The following PCNX4 variants were observed in gnomAD, a reference collection of about 807,000 sequenced individuals.
PCNX4 encodes the protein pecanex 4.
In PCNX4, 103 loss-of-function variants were observed where a neutral mutation model predicts 107.2. The observed-to-expected ratio is 0.96, with a 90% CI of 0.82 to 1.13. PCNX4 has a LOEUF of 1.13. Among genes scored for constraint, PCNX4 ranks in the 50% most tolerant of loss-of-function variants. PCNX4 has a pLI of 0.00. For missense variants in PCNX4, 1,528 were observed against 1,379.4 expected (o/e 1.11, Z -1.71); for synonymous variants, 541 against 481.7 (o/e 1.12, Z -1.61).
At chr14:60,102,169 T>A (rs1595161155) in intron 1 of PCNX4, among the ~76,000 whole-genome samples, 1 of 152,204 alleles carries the variant, frequency 6.6e-6, no homozygotes, top group Admixed American at 6.5e-5. Context: ...TGCCTGCAGC[T>A]GACAATACTG....
At position 60,115,101 on chromosome 14, in the gene PCNX4, G is replaced by A; in HGVS notation, c.997G>A (p.Gly333Ser). Residue 333 changes from glycine (G) to serine (S), a missense_variant, in exon 4 of 11, where the codon GGT becomes AGT. Gly to Ser is a moderately conservative substitution (Grantham distance 56, BLOSUM62 0). Transcript: ENST00000406854. ...FLLSLNLSDM[G>S]HKIGTKSKDL... ...GCTGAGTCTGAACTTAAGTGATATG[G>A]GTCACAAAATTGGAACCAAATCTAA... 2 of 1,613,700 alleles carry A rather than the reference G, an allele frequency of 1.2e-6. No individual in the cohort carries two copies. Among genetic ancestry groups the A allele is most frequent in the Non-Finnish European group, 1.7e-6 (2 of 1,179,806 alleles).
chr14:60,125,975 C>T (rs566640469), intron 10 of PCNX4, 152 bp downstream of exon 10: 3 of 565,072 alleles, frequency 5.3e-6, no homozygotes, highest in Non-Finnish European at 8.3e-6. Context: ...GACTTTTTGG[C>T]TAAGCTAGAT....
intron 1 of PCNX4, among the ~76,000 whole-genome samples, chr14:60,092,743 A>G (rs545742707): frequency 7.2e-5 from 11 of 152,238 alleles, no homozygotes; most frequent in South Asian, 2.1e-4. Context: ...TACTCTCGCA[A>G]TATCTCCAAC....
intron 1 of PCNX4, among the ~76,000 whole-genome samples, chr14:60,102,746 A>G (rs1255312497): frequency 6.6e-6 from 1 of 152,186 alleles, no homozygotes; most frequent in Non-Finnish European, 1.5e-5. Flanking sequence ...ATCCATACCA[A>G]TGCATCAGTT....
At position 60,115,815 on chromosome 14, in the gene PCNX4, G is replaced by T; in HGVS notation, c.1454G>T (p.Arg485Ile). 1 of 1,610,060 alleles carries T rather than the reference G, an allele frequency of 6.2e-7. No homozygotes were observed. The highest frequency in any genetic ancestry group is 8.5e-7 in the Non-Finnish European group (1 of 1,176,802). ...SVCIGFTRAF[R>I]MVWQNTENAL... Reference sequence around the variant, plus strand: ...TGTATTGGATTCACAAGAGCCTTTAGAATGGTAATCCTAATATGTGTTTAA... The same window carrying T: ...TGTATTGGATTCACAAGAGCCTTTATAATGGTAATCCTAATATGTGTTTAA... Residue 485 changes from arginine (R) to isoleucine (I), a missense_variant, in exon 5 of 11, where the codon AGA (arginine) becomes ATA (isoleucine). By Grantham distance (97) the Arg-to-Ile change is moderately conservative. Transcript: ENST00000406854.
chr14:60,120,879 A>G (rs1374013229), intron 7 of PCNX4, among the ~76,000 whole-genome samples: 1 of 152,180 alleles, frequency 6.6e-6, no homozygotes, highest in Non-Finnish European at 1.5e-5. Context: ...GCCTTTTATA[A>G]ACTCAATACT....
chr14:60,111,059 G>T, intron 2 of PCNX4: 1 of 166,862 alleles, frequency 6.0e-6, no homozygotes. Flanking sequence ...GTGTAAGCCA[G>T]GAAGAGAGTC....
At chr14:60,128,847 G>A (rs975475328) in intron 10 of PCNX4, among the ~76,000 whole-genome samples, 1 of 152,170 alleles carries the variant, frequency 6.6e-6, no homozygotes, top group African/African-American at 2.4e-5. Flanking sequence ...CTGGATAAAG[G>A]AAATGAATCC....
At chr14:60,119,391 T>C (rs937867566) in intron 7 of PCNX4, among the ~76,000 whole-genome samples, 2 of 152,236 alleles carry the variant, frequency 1.3e-5, no homozygotes, top group African/African-American at 4.8e-5. Flanking sequence ...TCTCCTGCCA[T>C]GTGCTTTAAC....
chr14:60,121,697 AT>A (rs1210539484), intron 8 of PCNX4, among the ~76,000 whole-genome samples: 3 of 151,988 alleles, frequency 2.0e-5, no homozygotes, highest in African/African-American at 7.2e-5. Flanking sequence ...GAAGAGCAAA[AT>A]GGCCTTATTA....
intron 2 of PCNX4, among the ~76,000 whole-genome samples, chr14:60,114,096 T>A (rs146325456): frequency 6.6e-6 from 1 of 152,314 alleles, no homozygotes; most frequent in East Asian, 1.9e-4. Flanking sequence ...AGAGATACAG[T>A]CATAACCTGA....
In PCNX4 at chr14:60,113,018, C is replaced by T. The variant is rs535541536; in HGVS notation, c.690-1682C>T. 3.9e-5 allele frequency among the ~76,000 whole-genome samples: 6 copies of T among 152,236 alleles called. No individual in the cohort carries two copies. In the South Asian group the frequency reaches 1.2e-3, roughly 32 times the overall value. ...CCAACATGGTGAAACCCTGTCTCTA[C>T]TAAAAATACAAAAATTAGCTGGGCG... On this transcript the variant is annotated intron_variant, in intron 2 of 10. Coordinates refer to ENST00000406854, the MANE Select transcript of PCNX4 (RefSeq NM_001330177.2).
Position 60,136,388 on chromosome 14 carries a change from C to T in PCNX4, c.*2167C>T, listed in dbSNP as rs1896240541. ...CTGCAATCACCATAGATAATCTCAT[C>T]TACTTCAAGACTTGAAATATCATCA... On this transcript the variant is annotated 3_prime_UTR_variant, in exon 11 of 11. Coordinates refer to ENST00000406854, the MANE Select transcript of PCNX4 (RefSeq NM_001330177.2). 6.6e-6 allele frequency: 1 copy of T among 152,192 alleles called. No homozygotes were observed. Among genetic ancestry groups the T allele is most frequent in the African/African-American group, 2.4e-5 (1 of 41,452 alleles). 9.4% of individuals were successfully genotyped at this position (152,192 alleles called of 1,614,324 possible). A position where few individuals can be genotyped will look rare whatever the true frequency, so the allele number is the denominator to read the frequency against.
intron 10 of PCNX4, among the ~76,000 whole-genome samples, chr14:60,128,279 G>A (rs1896091889): frequency 6.6e-6 from 1 of 152,178 alleles, no homozygotes; most frequent in South Asian, 2.1e-4. Flanking sequence ...GAGATCCGCA[G>A]GCAAATACAT....
intron 10 of PCNX4, among the ~76,000 whole-genome samples, chr14:60,130,788 A>G (rs1896140101): frequency 6.6e-6 from 1 of 151,362 alleles, no homozygotes; most frequent in East Asian, 1.9e-4. Flanking sequence ...AAGAAAGAGA[A>G]ATAGCATTTT....
chr14:60,115,364 C>T lies in PCNX4; in HGVS notation c.1260C>T (p.Pro420=). ...SVYIIGIFRN[P]FYPKDVQTVT... is the part of the protein sequence containing the mutation. Reference sequence around the variant, plus strand: ...ATATCATTGGAATTTTCCGAAATCCCTTTTATCCGAAGGATGTGCAAACTG... The same window carrying T: ...ATATCATTGGAATTTTCCGAAATCCTTTTTATCCGAAGGATGTGCAAACTG... The change falls in exon 4 of 11, where the codon CCC becomes CCT. Residue 420 remains proline (P), a synonymous_variant. Transcript: ENST00000406854. 1.9e-6 allele frequency: 3 copies of T among 1,604,018 alleles called. No homozygotes were observed. The highest frequency in any genetic ancestry group is 1.1e-5 in the South Asian group (1 of 89,384).
intron 1 of PCNX4, among the ~76,000 whole-genome samples, chr14:60,107,083 T>A (rs1348504202): frequency 2.0e-5 from 3 of 151,994 alleles, no homozygotes; most frequent in Non-Finnish European, 2.9e-5. Context: ...ATATGATTTT[T>A]AAAAAAATAA....
Position 60,115,153 on chromosome 14 carries a change from A to G in PCNX4, c.1049A>G (p.His350Arg), listed in dbSNP as rs767067412. ...SKDLPSGPEK[H>R]FSWKECLFYI... Reference sequence around the variant, plus strand: ...GATTTACCCAGTGGTCCGGAAAAACATTTTTCATGGAAGGAATGCCTTTTC... The same window carrying G: ...GATTTACCCAGTGGTCCGGAAAAACGTTTTTCATGGAAGGAATGCCTTTTC... Residue 350 changes from histidine to arginine, a missense_variant, in exon 4 of 11, where the codon CAT (histidine) becomes CGT (arginine). Physicochemically the swap from His to Arg is conservative, Grantham distance 29. Transcript: ENST00000406854. 6.2e-7 allele frequency: 1 copy of G among 1,613,492 alleles called. No individual in the cohort carries two copies. The highest frequency in any genetic ancestry group is 8.5e-7 in the Non-Finnish European group (1 of 1,179,582).
intron 6 of PCNX4, among the ~76,000 whole-genome samples, chr14:60,117,635 T>C (rs1895875242): frequency 1.3e-5 from 2 of 152,168 alleles, no homozygotes; most frequent in African/African-American, 4.8e-5. Flanking sequence ...TTAGAACATA[T>C]CCTTCTCTGG....
Sources: allele counts gnomAD v4.1 joint callset (sites outside exome capture counted in the v4.1 genomes callset), GRCh38; gene constraint gnomAD v4.1.1; transcripts MANE v1.5; gene names NCBI Gene and HGNC (gene_info 2026-07-23, HGNC 2026-07-21).